Variants in MAP2K6 observed in about 807,000 individuals in gnomAD.
MAP2K6 encodes mitogen-activated protein kinase kinase 6, also known as dual specificity mitogen-activated protein kinase kinase 6.
In MAP2K6, 16 loss-of-function variants were observed where a neutral mutation model predicts 53.7. The ratio of observed to expected loss-of-function variants is 0.30; its 90% CI spans 0.20 to 0.45. MAP2K6 has a LOEUF of 0.45. Ranked by LOEUF, MAP2K6 falls within the 20% of genes least tolerant of loss-of-function variation. The pLI, the probability that MAP2K6 is intolerant of heterozygous loss-of-function variation, is 1.00. For missense variants in MAP2K6, 204 were observed against 411.9 expected, an observed-to-expected ratio of 0.50 and a Z score of 4.37; for synonymous variants, 132 against 143.1, an observed-to-expected ratio of 0.92 and a Z score of 0.55.
chr17:69,443,831 C>G (rs1567819482), intron 1 of MAP2K6, among the ~76,000 whole-genome samples: 1 of 152,196 alleles, frequency 6.6e-6, no homozygotes, highest in East Asian at 1.9e-4. Flanking sequence ...GGTTGTTGAG[C>G]TGTATTTTGA....
At chr17:69,532,161 T>TA in intron 10 of MAP2K6, among the ~76,000 whole-genome samples, 1 of 152,206 alleles carries the variant, frequency 6.6e-6, no homozygotes, top group African/African-American at 2.4e-5. Flanking sequence ...GAAACTAGCA[T>TA]AAAACACAGA....
chr17:69,421,626 C>T lies in MAP2K6; in HGVS notation c.16+6626C>T, dbSNP rs562779910. Among the ~76,000 whole-genome samples, 341 of 151,722 alleles carry T rather than the reference C, an allele frequency of 2.2e-3. 1 individual carries two copies. Among genetic ancestry groups the T allele is most frequent in the African/African-American group, 7.9e-3 (326 of 41,342 alleles). On this transcript the variant is annotated intron_variant, in intron 1 of 11. Coordinates refer to ENST00000590474, the MANE Select transcript of MAP2K6 (RefSeq NM_002758.4). ...CGATCTCAGCTTACTGCAACCTCCG[C>T]CTCCTGGGTTCACGCCATTCTCCTG...
chr17:69,439,377 T>G (rs1037904192), intron 1 of MAP2K6, among the ~76,000 whole-genome samples: 1 of 152,194 alleles, frequency 6.6e-6, no homozygotes, highest in African/African-American at 2.4e-5. Flanking sequence ...TATGTGTCCT[T>G]TCATCAATTC....
Position 69,534,978 on chromosome 17 carries a change from C to CT in MAP2K6, c.882-1125dup, listed in dbSNP as rs561587561. ...TCTTTTCTTTTCTTTCTTTCTTTTT[C>CT]TTTTTTTTTTTTCATTTTAAGGCCA... On this transcript the variant is annotated intron_variant, in intron 10 of 11. Transcript: ENST00000590474. Among the ~76,000 whole-genome samples, 373 of 142,166 alleles carry CT rather than the reference C, an allele frequency of 2.6e-3. 2 individuals carry two copies. Among genetic ancestry groups the CT allele is most frequent in the East Asian group, 0.012 (58 of 4,946 alleles). 93.3% of individuals were successfully genotyped at this position (142,166 alleles called of 152,430 possible).
At position 69,549,809 on chromosome 17, in the gene MAP2K6, T is replaced by C. The variant is rs1431437827; in HGVS notation, c.*8056T>C. Reference sequence around the variant, plus strand: ...TATTTGTGTTGGAGTCTGCAAGATATTTCAACAAAGTAAGCCAAACCACTA... The same window carrying C: ...TATTTGTGTTGGAGTCTGCAAGATACTTCAACAAAGTAAGCCAAACCACTA... On this transcript the variant is annotated 3_prime_UTR_variant, in exon 12 of 12. Transcript: ENST00000590474. 6.6e-6 allele frequency: 1 copy of C among 152,148 alleles called. No homozygotes were observed. The highest frequency in any genetic ancestry group is 1.5e-5 in the Non-Finnish European group (1 of 68,034). 9.4% of individuals were successfully genotyped at this position (152,148 alleles called of 1,614,324 possible).
intron 1 of MAP2K6, among the ~76,000 whole-genome samples, chr17:69,498,682 A>G (rs908724558): frequency 6.7e-6 from 1 of 149,638 alleles, no homozygotes; most frequent in African/African-American, 2.4e-5. Context: ...ACACACACAC[A>G]CACGTGCACG....
chr17:69,519,764 T>C (rs1362288322), intron 5 of MAP2K6: 2 of 261,134 alleles, frequency 7.7e-6, no homozygotes, highest in Admixed American at 1.0e-4. Context: ...TTGACTGCTT[T>C]AGGAGCTTCA....
At chr17:69,488,322 G>A (rs1309725748) in intron 1 of MAP2K6, among the ~76,000 whole-genome samples, 1 of 152,116 alleles carries the variant, frequency 6.6e-6, no homozygotes, top group Non-Finnish European at 1.5e-5. Context: ...CATTATTAGT[G>A]GGAACGTAAA....
intron 1 of MAP2K6, among the ~76,000 whole-genome samples, chr17:69,465,457 A>T (rs566416588): frequency 6.6e-6 from 1 of 152,170 alleles, no homozygotes; most frequent in South Asian, 2.1e-4. Context: ...TGTGTATTCA[A>T]TCAGCAAATG....
rs527779541 is a variant in MAP2K6, at chr17:69,523,415, AGAT to A, written c.536-96_536-94del. On this transcript the variant is annotated intron_variant, in intron 7 of 11. Coordinates refer to ENST00000590474, the MANE Select transcript of MAP2K6 (RefSeq NM_002758.4). ...TGTGTTGGGCAGCTTGGGGAAAGGA[AGAT>A]GAAGGACAAATGGAGATTTTAGGCC... 517 of 1,497,842 alleles carry A rather than the reference AGAT, an allele frequency of 3.5e-4. 1 individual carries two copies. In the African/African-American group the frequency reaches 6.4e-3, roughly 19 times the overall value. The allele number at this position is 1,497,842 out of a possible 1,614,324, so 92.8% of individuals were successfully genotyped here. A position where few individuals can be genotyped will look rare whatever the true frequency, so the allele number is the denominator to read the frequency against.
At chr17:69,421,804 A>G (rs1183297900) in intron 1 of MAP2K6, among the ~76,000 whole-genome samples, 1 of 151,948 alleles carries the variant, frequency 6.6e-6, no homozygotes, top group Non-Finnish European at 1.5e-5. Flanking sequence ...CGGCCTCCCA[A>G]AGTGCTGGGA....
At chr17:69,495,388 A>C (rs1344264749) in intron 1 of MAP2K6, among the ~76,000 whole-genome samples, 3 of 151,782 alleles carry the variant, frequency 2.0e-5, no homozygotes, top group African/African-American at 7.3e-5. Flanking sequence ...GGCGCCCACC[A>C]ACACGCCCAG....
At chr17:69,453,280 C>A (rs1907291034) in intron 1 of MAP2K6, among the ~76,000 whole-genome samples, 1 of 152,158 alleles carries the variant, frequency 6.6e-6, no homozygotes, top group South Asian at 2.1e-4. Flanking sequence ...ATTTTGCAGG[C>A]CATACAGTCT....
At chr17:69,486,684 T>C (rs1908549532) in intron 1 of MAP2K6, among the ~76,000 whole-genome samples, 1 of 152,192 alleles carries the variant, frequency 6.6e-6, no homozygotes, top group Non-Finnish European at 1.5e-5. Flanking sequence ...ACTTTTCAAA[T>C]AGTCACTTCA....
At position 69,542,609 on chromosome 17, in the gene MAP2K6, G is replaced by T. The variant is rs544050006; in HGVS notation, c.*856G>T. 6.6e-6 allele frequency: 1 copy of T among 152,302 alleles called. No individual in the cohort carries two copies. The highest frequency in any genetic ancestry group is 6.5e-5 in the Admixed American group (1 of 15,300). The allele number at this position is 152,302 out of a possible 1,614,324, so 9.4% of individuals were successfully genotyped here. Reference sequence around the variant, plus strand: ...TATTCATCTACCTGTGTGTATGTGTGTGTTTGTGTGTCTATTTGGCAATTC... The same window carrying T: ...TATTCATCTACCTGTGTGTATGTGTTTGTTTGTGTGTCTATTTGGCAATTC... On this transcript the variant is annotated 3_prime_UTR_variant, in exon 12 of 12. Transcript: ENST00000590474.
At position 69,545,852 on chromosome 17, in the gene MAP2K6, C is replaced by T. The variant is rs1435116833; in HGVS notation, c.*4099C>T. 1 of 152,176 alleles carries T rather than the reference C, an allele frequency of 6.6e-6. No individual in the cohort carries two copies. Among genetic ancestry groups the T allele is most frequent in the East Asian group, 1.9e-4 (1 of 5,190 alleles). The allele number at this position is 152,176 out of a possible 1,614,324, so 9.4% of individuals were successfully genotyped here. On this transcript the variant is annotated 3_prime_UTR_variant, in exon 12 of 12. Coordinates refer to ENST00000590474, the MANE Select transcript of MAP2K6 (RefSeq NM_002758.4). ...CCTGACTAACATGATGAAACCCCGT[C>T]TCTACTAAAAATACAAAATTAGCTG... is the stretch of plus-strand genomic sequence containing the variant.
intron 1 of MAP2K6, among the ~76,000 whole-genome samples, chr17:69,442,780 C>T (rs1461377233): frequency 3.3e-5 from 5 of 152,152 alleles, no homozygotes; most frequent in Non-Finnish European, 7.4e-5. Flanking sequence ...GCTGTGTAAC[C>T]TTGAATACTT....
At position 69,530,498 on chromosome 17, in the gene MAP2K6, A is replaced by G. The variant is rs144923970; in HGVS notation, c.881+3789A>G. Among the ~76,000 whole-genome samples the G allele has an allele frequency of 2.5e-3, 382 of 152,300 alleles. 2 individuals carry two copies. The highest frequency in any genetic ancestry group is 4.8e-3 in the Non-Finnish European group (324 of 68,028). ...TACTTAAGAATATCAGTTGTCTAAA[A>G]TAGTCATTTTGTTGGTATGGGAATT... On this transcript the variant is annotated intron_variant, in intron 10 of 11. Coordinates refer to ENST00000590474, the MANE Select transcript of MAP2K6 (RefSeq NM_002758.4).
chr17:69,466,596 A>C (rs555148709), intron 1 of MAP2K6, among the ~76,000 whole-genome samples: 64 of 152,232 alleles, frequency 4.2e-4, no homozygotes, highest in Middle Eastern at 3.2e-3. Context: ...AAGACTTTGC[A>C]TTCCAAAGCA....
Sources: gnomAD v4.1 joint callset for allele counts (sites outside exome capture counted in the v4.1 genomes callset) on GRCh38, gnomAD v4.1.1 for gene constraint, MANE v1.5 for transcripts, NCBI Gene and HGNC (gene_info 2026-07-23, HGNC 2026-07-21) for gene names.